The following FBXL5 variants were observed in gnomAD, a reference collection of about 807,000 sequenced individuals.
FBXL5 encodes F-box/LRR-repeat protein 5.
A neutral mutation model predicts 78.3 loss-of-function variants in FBXL5; 26 were observed. The observed-to-expected ratio is 0.33, with a 90% CI of 0.24 to 0.46. The LOEUF is 0.46. FBXL5 is among the 20% of genes least tolerant of loss of function. FBXL5 has a pLI of 1.00. For synonymous variants in FBXL5, 295 were observed against 282.5 expected (o/e 1.04, Z -0.45); for missense variants, 710 against 829.2 (o/e 0.86, Z 1.77).
chr4:15,626,231 C>T (rs990403080), intron 8 of FBXL5, among the ~76,000 whole-genome samples: 2 of 152,128 alleles, frequency 1.3e-5, no homozygotes, highest in Non-Finnish European at 2.9e-5. Flanking sequence ...GATTGGAAGA[C>T]TTAAGTTTAT....
chr4:15,648,814 A>C (rs1036814589), intron 1 of FBXL5, among the ~76,000 whole-genome samples: 2 of 152,180 alleles, frequency 1.3e-5, no homozygotes, highest in Non-Finnish European at 2.9e-5. Flanking sequence ...ATAGCTAATA[A>C]TACTGTATTA....
At chr4:15,638,732 A>G (rs2063715259) in intron 3 of FBXL5, 38 bp from the exon 4 acceptor site, 1 of 1,277,856 alleles carries the variant, frequency 7.8e-7, no homozygotes, top group African/African-American at 1.7e-5. Flanking sequence ...AAGATGCTTC[A>G]TTCGTGTTGA....
At chr4:15,656,068 C>G (rs563673871), upstream of FBXL5, among the ~76,000 whole-genome samples, 18 of 152,190 alleles carry the variant, frequency 1.2e-4, 1 homozygote, top group Non-Finnish European at 2.5e-4. Context: ...GATCCAGGTG[C>G]GGAAATGCAC....
chr4:15,656,499 G>A (rs539522555), upstream of FBXL5, among the ~76,000 whole-genome samples: 1 of 152,198 alleles, frequency 6.6e-6, no homozygotes, highest in Admixed American at 6.5e-5. Context: ...AGACAACATG[G>A]GGATCAGTAA....
intron 3 of FBXL5, among the ~76,000 whole-genome samples, chr4:15,639,072 G>A (rs534494372): frequency 2.2e-4 from 33 of 152,344 alleles, no homozygotes; most frequent in African/African-American, 7.0e-4. Context: ...ACTGAGGCAG[G>A]AGAATCACTT....
At position 15,626,045 on chromosome 4, in the gene FBXL5, T is replaced by C. The variant is rs574311746; in HGVS notation, c.1125-68A>G. The stretch of plus-strand genomic sequence containing the variant: ...TTTCAAAAGCATTTGACTATATGCA[T>C]GTAGATGAAAACCAGAAGAAAGATT... On this transcript the variant is annotated intron_variant, in intron 8 of 10. Transcript: ENST00000341285. The C allele has an allele frequency of 1.6e-4, 217 of 1,362,946 alleles. 1 individual carries two copies. In the African/African-American group the frequency reaches 3.1e-3, roughly 20 times the overall value. 84.4% of individuals were successfully genotyped at this position (1,362,946 alleles called of 1,614,324 possible). A position where few individuals can be genotyped will look rare whatever the true frequency, so the allele number is the denominator to read the frequency against.
upstream of FBXL5, among the ~76,000 whole-genome samples, chr4:15,661,961 C>G (rs1717331642): frequency 6.6e-6 from 1 of 152,206 alleles, no homozygotes; most frequent in Non-Finnish European, 1.5e-5. Flanking sequence ...ACATGGTACT[C>G]TCTATGGAGT....
chr4:15,620,193 C>T (rs1712339116), intron 9 of FBXL5, among the ~76,000 whole-genome samples: 1 of 152,072 alleles, frequency 6.6e-6, no homozygotes, highest in African/African-American at 2.4e-5. Context: ...TTTAGAATAG[C>T]ATCAAAGAAA....
intron 9 of FBXL5, among the ~76,000 whole-genome samples, chr4:15,622,734 AG>A (rs1712611618): frequency 6.6e-6 from 1 of 152,218 alleles, no homozygotes; most frequent in African/African-American, 2.4e-5. Context: ...TTAAATGTTT[AG>A]AAAGAATCCT....
intron 6 of FBXL5, among the ~76,000 whole-genome samples, chr4:15,628,868 C>T (rs1397504692): frequency 6.6e-6 from 1 of 151,912 alleles, no homozygotes; most frequent in African/African-American, 2.4e-5. Context: ...TATTCCCAAA[C>T]CATTCTTTTG....
intron 1 of FBXL5, among the ~76,000 whole-genome samples, chr4:15,645,805 C>G (rs554276429): frequency 9.9e-5 from 15 of 152,284 alleles, no homozygotes; most frequent in Admixed American, 4.6e-4. Flanking sequence ...GTTGTTAGTA[C>G]TCAATAAACA....
intron 1 of FBXL5, among the ~76,000 whole-genome samples, chr4:15,652,356 T>C (rs1716181236): frequency 6.6e-6 from 1 of 152,202 alleles, no homozygotes; most frequent in African/African-American, 2.4e-5. Flanking sequence ...AATCTACCAC[T>C]AGCTGCTTAT....
chr4:15,636,792 G>T, intron 4 of FBXL5, 116 bp from the exon 5 acceptor site: 2 of 685,564 alleles, frequency 2.9e-6, no homozygotes, highest in South Asian at 2.3e-5. Context: ...CTTCCTGCTT[G>T]CAAGATGTGA....
chr4:15,628,019 C>G lies in FBXL5; in HGVS notation c.907G>C (p.Glu303Gln). 1 of 1,613,374 alleles carries G rather than the reference C, an allele frequency of 6.2e-7. No individual in the cohort carries two copies. The highest frequency in any genetic ancestry group is 8.5e-7 in the Non-Finnish European group (1 of 1,179,786). ...TGTGCAATGCTGATAGCAATTGATTCCTCCGCAGACTCTTCTGTAAAATGA... is the reference window on the plus strand; with the variant it reads ...TGTGCAATGCTGATAGCAATTGATTGCTCCGCAGACTCTTCTGTAAAATGA... ...DIDESEESAE[E>Q]SIAISIAQME... is the part of the protein sequence containing the mutation. The change falls in exon 7 of 11, where the codon GAA becomes CAA. Residue 303 changes from glutamate to glutamine, a missense_variant. Physicochemically the swap from Glu to Gln is conservative, Grantham distance 29. Around this residue, in one of 4 missense-constraint regions of FBXL5, gnomAD observed 517 missense variants for 542.9 expected, o/e 0.95. Transcript: ENST00000341285.
At chr4:15,660,811 G>A (rs1717270669), upstream of FBXL5, among the ~76,000 whole-genome samples, 1 of 152,208 alleles carries the variant, frequency 6.6e-6, no homozygotes, top group South Asian at 2.1e-4. Context: ...CAGCACGGTG[G>A]CTCACGCCTG....
chr4:15,667,313 C>T (rs549325246), intron 1 of FBXL5, among the ~76,000 whole-genome samples: 4 of 152,276 alleles, frequency 2.6e-5, no homozygotes, highest in African/African-American at 9.6e-5. Context: ...AGGCACTCAA[C>T]ATTTGTTAAA....
At chr4:15,638,735 C>T in intron 3 of FBXL5, 41 bp from the exon 4 acceptor site, 5 of 1,285,894 alleles carry the variant, frequency 3.9e-6, no homozygotes, top group Non-Finnish European at 3.3e-6. Flanking sequence ...ATGCTTCATT[C>T]GTGTTGATTT....
Position 15,605,648 on chromosome 4 carries a change from A to G in FBXL5, c.*75T>C. The stretch of plus-strand genomic sequence containing the variant: ...TCAAAAAGGGATGGTTAACACAAGA[A>G]ATGTGCTATGAGTAAAGTGCATGAA... On this transcript the variant is annotated 3_prime_UTR_variant, in exon 11 of 11. Coordinates refer to ENST00000341285, the MANE Select transcript of FBXL5 (RefSeq NM_012161.4). 1.6e-6 allele frequency: 2 copies of G among 1,263,320 alleles called. No homozygotes were observed. Among genetic ancestry groups the G allele is most frequent in the Non-Finnish European group, 2.3e-6 (2 of 875,872 alleles). The allele number at this position is 1,263,320 out of a possible 1,614,324, so 78.3% of individuals were successfully genotyped here.
intron 1 of FBXL5, among the ~76,000 whole-genome samples, chr4:15,651,507 C>G (rs77774640): frequency 6.6e-6 from 1 of 152,124 alleles, no homozygotes. Context: ...CCACAGGTCT[C>G]AATTCAATAT....
Sources: gnomAD v4.1 joint callset for allele counts (sites outside exome capture counted in the v4.1 genomes callset) on GRCh38, gnomAD v4.1.1 for gene constraint, gnomAD v4.1.1 regional missense constraint, MANE v1.5 for transcripts, NCBI Gene and HGNC (gene_info 2026-07-23, HGNC 2026-07-21) for gene names.